The following CSMD3 variants were observed in gnomAD, a reference collection of about 807,000 sequenced individuals.
CSMD3 encodes the protein CUB and Sushi multiple domains 3, also known as CUB and sushi domain-containing protein 3.
A neutral mutation model predicts 435.2 loss-of-function variants in CSMD3; 177 were observed. The ratio of observed to expected loss-of-function variants is 0.41; its 90% CI spans 0.36 to 0.46. The LOEUF is 0.46. Ranked by LOEUF, CSMD3 falls within the 20% of genes least tolerant of loss-of-function variation. The pLI, the probability that CSMD3 is intolerant of heterozygous loss-of-function variation, is 0.34. For synonymous variants in CSMD3, 1,656 were observed against 1,520.5 expected, an observed-to-expected ratio of 1.09 and a Z score of -2.07; for missense variants, 4,265 against 4,504.6, an observed-to-expected ratio of 0.95 and a Z score of 1.52.
At chr8:113,197,067 A>T (rs1418564731) in intron 3 of CSMD3, among the ~76,000 whole-genome samples, 1 of 151,240 alleles carries the variant, frequency 6.6e-6, no homozygotes, top group Admixed American at 6.6e-5. Flanking sequence ...TGTTCAATAA[A>T]CATTCACTGA....
chr8:112,914,745 C>A (rs1483070250), intron 10 of CSMD3, among the ~76,000 whole-genome samples: 1 of 151,664 alleles, frequency 6.6e-6, no homozygotes, highest in Non-Finnish European at 1.5e-5. Flanking sequence ...TTGTTTCTTT[C>A]ACTTTGCGTG....
intron 5 of CSMD3, among the ~76,000 whole-genome samples, chr8:113,066,363 T>G (rs2088859576): frequency 6.6e-6 from 1 of 151,644 alleles, no homozygotes; most frequent in African/African-American, 2.4e-5. Flanking sequence ...GAGGAGAGGG[T>G]GAGGTATGGA....
At chr8:113,048,769 T>G (rs1288988331) in intron 5 of CSMD3, among the ~76,000 whole-genome samples, 1 of 152,178 alleles carries the variant, frequency 6.6e-6, no homozygotes, top group African/African-American at 2.4e-5. Flanking sequence ...TTCTTTTCCC[T>G]TGTCCTGTGT....
At chr8:112,613,467 C>G (rs760360384) in intron 22 of CSMD3, among the ~76,000 whole-genome samples, 4 of 152,088 alleles carry the variant, frequency 2.6e-5, no homozygotes, top group African/African-American at 9.7e-5. Flanking sequence ...TAAACAGTTT[C>G]AATTTATGTA....
intron 5 of CSMD3, among the ~76,000 whole-genome samples, chr8:113,084,292 T>C (rs2131468605): frequency 6.6e-6 from 1 of 152,186 alleles, no homozygotes; most frequent in Non-Finnish European, 1.5e-5. Flanking sequence ...AAATCAGCAG[T>C]ATTTCTATTC....
intron 38 of CSMD3, among the ~76,000 whole-genome samples, chr8:112,355,320 CAA>C (rs1826491753): frequency 6.6e-6 from 1 of 152,068 alleles, no homozygotes; most frequent in Non-Finnish European, 1.5e-5. Flanking sequence ...TCCTCAAAAG[CAA>C]TTGCAACAAA....
At chr8:112,983,223 T>C (rs1032002139) in intron 6 of CSMD3, among the ~76,000 whole-genome samples, 1 of 151,888 alleles carries the variant, frequency 6.6e-6, no homozygotes, top group African/African-American at 2.4e-5. Context: ...TATCCTAACC[T>C]ACTCATCATA....
At chr8:112,830,897 C>G (rs2132484033) in intron 11 of CSMD3, among the ~76,000 whole-genome samples, 1 of 151,732 alleles carries the variant, frequency 6.6e-6, no homozygotes, top group East Asian at 2.0e-4. Context: ...TGCCATTCTC[C>G]TGCCTCAGCC....
chr8:112,254,405 T>C, intron 62 of CSMD3, 79 bp from the exon 63 acceptor site: 4 of 954,464 alleles, frequency 4.2e-6, no homozygotes, highest in Non-Finnish European at 6.9e-6. Flanking sequence ...CAATTTTAAA[T>C]AATCTGGGGT....
intron 5 of CSMD3, among the ~76,000 whole-genome samples, chr8:113,070,890 C>T (rs1277243213): frequency 6.6e-6 from 1 of 151,938 alleles, no homozygotes; most frequent in Non-Finnish European, 1.5e-5. Flanking sequence ...TTTTGAGGAA[C>T]CTCCATACTA....
At chr8:112,665,543 T>C (rs11992511) in intron 17 of CSMD3, among the ~76,000 whole-genome samples, 4,407 of 152,258 alleles carry the variant, frequency 0.029, 230 homozygotes, top group African/African-American at 0.099. Context: ...GCTGTACTTA[T>C]ATGTTTTTCA....
chr8:112,325,773 C>A lies in CSMD3; in HGVS notation c.7166-5792G>T, dbSNP rs187992039. On this transcript the variant is annotated intron_variant, in intron 45 of 70. Coordinates refer to ENST00000297405, the MANE Select transcript of CSMD3 (RefSeq NM_198123.2). ...ACTCTTTGGCTCTTTGGGTTCGAAT[C>A]TTATTTTGAACACTGAAAAACTGGC... Among the ~76,000 whole-genome samples, 170 of 152,054 alleles carry A rather than the reference C, an allele frequency of 1.1e-3. 1 individual carries two copies. The highest frequency in any genetic ancestry group is 1.8e-3 in the Non-Finnish European group (122 of 67,944).
At chr8:113,376,749 T>C (rs2094386214) in intron 1 of CSMD3, 2 of 1,613,864 alleles carry the variant, frequency 1.2e-6, no homozygotes, top group African/African-American at 2.7e-5. Flanking sequence ...TGAGGCTGTC[T>C]GTCGGTCAAG....
chr8:112,295,462 T>C (rs911455775), intron 54 of CSMD3, among the ~76,000 whole-genome samples: 3 of 152,116 alleles, frequency 2.0e-5, no homozygotes, highest in African/African-American at 7.2e-5. Flanking sequence ...TAAAAAGCTC[T>C]GTAATATCAC....
At chr8:112,508,232 T>C (rs1822735979) in intron 28 of CSMD3, among the ~76,000 whole-genome samples, 1 of 152,168 alleles carries the variant, frequency 6.6e-6, no homozygotes, top group Admixed American at 6.5e-5. Flanking sequence ...CAAACTTCCC[T>C]ATGACCTACT....
intron 9 of CSMD3, among the ~76,000 whole-genome samples, chr8:112,925,925 A>C (rs1364307074): frequency 6.6e-6 from 1 of 152,202 alleles, no homozygotes; most frequent in African/African-American, 2.4e-5. Context: ...CAAGATGGCA[A>C]ATATTTCTAA....
At chr8:113,309,469 T>G (rs2093850378) in intron 2 of CSMD3, 1 of 152,202 alleles carries the variant, frequency 6.6e-6, no homozygotes, top group African/African-American at 2.4e-5. Context: ...CACTTATAAG[T>G]GAGAACATGT....
At chr8:113,356,627 TCTCA>T (rs988843391) in intron 1 of CSMD3, among the ~76,000 whole-genome samples, 19 of 152,174 alleles carry the variant, frequency 1.2e-4, no homozygotes, top group African/African-American at 4.3e-4. Flanking sequence ...TGATACTTAT[TCTCA>T]CTAAGAACAC....
intron 5 of CSMD3, among the ~76,000 whole-genome samples, chr8:113,033,410 T>A (rs1336909623): frequency 1.3e-5 from 2 of 151,562 alleles, no homozygotes; most frequent in African/African-American, 4.8e-5. Flanking sequence ...TCAAAGGAGA[T>A]GATTTAGGAG....
Sources: gnomAD v4.1 joint callset for allele counts (sites outside exome capture counted in the v4.1 genomes callset) on GRCh38, gnomAD v4.1.1 for gene constraint, MANE v1.5 for transcripts, NCBI Gene and HGNC (gene_info 2026-07-23, HGNC 2026-07-21) for gene names.